The following ADRA1A variants were observed in gnomAD, a reference collection of about 807,000 sequenced individuals.
ADRA1A encodes the protein adrenoceptor alpha 1A, also known as alpha-1A adrenergic receptor.
In ADRA1A, 31 loss-of-function variants were observed where a neutral mutation model predicts 29.6. The observed-to-expected ratio is 1.05, with a 90% CI of 0.79 to 1.41. The LOEUF is 1.41. Ranked by LOEUF, ADRA1A falls within the 40% of genes most tolerant of loss-of-function variation. ADRA1A has a pLI of 0.00. For synonymous variants in ADRA1A, 311 were observed against 254.3 expected (o/e 1.22, Z -2.12); for missense variants, 619 against 601.1 (o/e 1.03, Z -0.31).
rs1283725191 is a variant in ADRA1A, at chr8:26,806,596, T to C, written c.884-35930A>G. Among the ~76,000 whole-genome samples the C allele has an allele frequency of 6.6e-6, 1 of 152,184 alleles. No individual in the cohort carries two copies. Among genetic ancestry groups the C allele is most frequent in the Non-Finnish European group, 1.5e-5 (1 of 68,020 alleles). On this transcript the variant is annotated intron_variant, in intron 2 of 2. Coordinates refer to ENST00000380573, the MANE Select transcript of ADRA1A (RefSeq NM_000680.4). The surrounding 1 kb of genome is among the most constrained non-coding windows in gnomAD (Gnocchi z 4.6). ...ACCATTAATTAGTGGGAAGATGTCA[T>C]GCCTCACACTGGGGAGTAAATGAAA...
chr8:26,859,127 T>G, intron 2 of ADRA1A: 1 of 1,289,996 alleles, frequency 7.8e-7, no homozygotes, highest in Non-Finnish European at 1.0e-6. Context: ...GTTTTTAATC[T>G]CTTTCCTCTC....
intron 2 of ADRA1A, among the ~76,000 whole-genome samples, chr8:26,776,671 A>G (rs1456463392): frequency 1.3e-5 from 2 of 152,236 alleles, no homozygotes; most frequent in African/African-American, 2.4e-5. Context: ...CTGAATGACA[A>G]CAGGTTTTGC....
At chr8:26,757,977 T>C (rs1242100185) in intron 2 of ADRA1A, among the ~76,000 whole-genome samples, 2 of 152,194 alleles carry the variant, frequency 1.3e-5, no homozygotes. Flanking sequence ...GTAGCCAATG[T>C]GAGGAAGATG....
At chr8:26,863,940 CA>C in intron 2 of ADRA1A, 146 bp downstream of exon 2, 1 of 813,042 alleles carries the variant, frequency 1.2e-6, no homozygotes, top group East Asian at 2.7e-5. Context: ...CACTTTTCTA[CA>C]AGGGAGCCTT....
intron 2 of ADRA1A, among the ~76,000 whole-genome samples, chr8:26,852,067 T>C (rs1262490769): frequency 6.6e-6 from 1 of 152,082 alleles, no homozygotes. Flanking sequence ...AAATTAGAAA[T>C]TACATTTGAG....
At chr8:26,853,495 A>T (rs1361491201) in intron 2 of ADRA1A, among the ~76,000 whole-genome samples, 1 of 152,246 alleles carries the variant, frequency 6.6e-6, no homozygotes, top group Non-Finnish European at 1.5e-5. Flanking sequence ...AACCACAGCC[A>T]TTAAAGTAAT....
At chr8:26,857,190 G>A (rs1446930224) in intron 2 of ADRA1A, among the ~76,000 whole-genome samples, 1 of 152,098 alleles carries the variant, frequency 6.6e-6, no homozygotes, top group Non-Finnish European at 1.5e-5. Flanking sequence ...CTATAAGAAG[G>A]TGGTTTAGAA....
intron 2 of ADRA1A, among the ~76,000 whole-genome samples, chr8:26,783,494 C>G (rs1324899539): frequency 6.6e-6 from 1 of 152,214 alleles, no homozygotes; most frequent in East Asian, 1.9e-4. Flanking sequence ...AGTGTGTCCA[C>G]TAAAAAACTC....
rs1805955045 is a variant in ADRA1A at position 26,769,127 on chromosome 8, T to A, written c.*1022A>T. On this transcript the variant is annotated 3_prime_UTR_variant, in exon 3 of 3. Transcript: ENST00000380573. ...ATGCAATAGTGAAGCAGATAAGAAG[T>A]AATGGGAGACAATCTTTTGCCTTTC... The A allele has an allele frequency of 1.0e-6, 1 of 985,298 alleles. No individual in the cohort carries two copies. Among genetic ancestry groups the A allele is most frequent in the South Asian group, 4.7e-5 (1 of 21,286 alleles). 61.0% of individuals were successfully genotyped at this position (985,298 alleles called of 1,614,324 possible).
chr8:26,751,577 G>T (rs1737225953), downstream of ADRA1A, among the ~76,000 whole-genome samples: 1 of 152,198 alleles, frequency 6.6e-6, no homozygotes, highest in Non-Finnish European at 1.5e-5. Flanking sequence ...AGTGTAAGGA[G>T]TAAGTGCTAT....
Position 26,769,474 on chromosome 8 carries a change from A to G in ADRA1A, c.*675T>C, listed in dbSNP as rs970743415. ...CTTTCAACCCTCTCCTGACCCAAGG[A>G]TAGAGAACACTACATTCCAAGACAT... On this transcript the variant is annotated 3_prime_UTR_variant, in exon 3 of 3. Transcript: ENST00000380573. The G allele has an allele frequency of 4.1e-6, 4 of 985,332 alleles. No homozygotes were observed. The highest frequency in any genetic ancestry group is 4.8e-6 in the Non-Finnish European group (4 of 829,950). 61.0% of individuals were successfully genotyped at this position (985,332 alleles called of 1,614,324 possible). A position where few individuals can be genotyped will look rare whatever the true frequency, so the allele number is the denominator to read the frequency against.
chr8:26,758,530 T>A (rs1264774638), intron 2 of ADRA1A, among the ~76,000 whole-genome samples: 2 of 152,196 alleles, frequency 1.3e-5, no homozygotes, highest in African/African-American at 2.4e-5. Context: ...TGTACACAAT[T>A]GTATCTGCTA....
intron 2 of ADRA1A, among the ~76,000 whole-genome samples, chr8:26,800,924 T>A (rs1034154844): frequency 9.8e-5 from 15 of 152,290 alleles, no homozygotes; most frequent in African/African-American, 3.4e-4. Context: ...AAAAGATTAT[T>A]CATCATGACC....
intron 2 of ADRA1A, among the ~76,000 whole-genome samples, chr8:26,794,947 T>A (rs4732654): frequency 6.6e-6 from 1 of 151,960 alleles, no homozygotes; most frequent in Non-Finnish European, 1.5e-5. Flanking sequence ...CTTATTAAGA[T>A]GTGTATCCTG....
At chr8:26,839,157 ATTTTT>A (rs11352512) in intron 2 of ADRA1A, among the ~76,000 whole-genome samples, 1 of 119,932 alleles carries the variant, frequency 8.3e-6, no homozygotes. Flanking sequence ...TCTGTGAAGA[ATTTTT>A]TTTTTTTTTT....
chr8:26,749,932 G>A (rs1052629250), intron 2 of ADRA1A, among the ~76,000 whole-genome samples: 64 of 152,262 alleles, frequency 4.2e-4, no homozygotes, highest in Non-Finnish European at 2.6e-4. Context: ...TTTTCCATTA[G>A]TGTTTGGTTC....
chr8:26,780,829 T>C (rs59710047), intron 2 of ADRA1A, among the ~76,000 whole-genome samples: 80,034 of 152,080 alleles, frequency 0.53, 22,274 homozygotes, highest in East Asian at 0.9. Context: ...ACTGCACATG[T>C]CAGGGATCTG....
intron 2 of ADRA1A, among the ~76,000 whole-genome samples, chr8:26,809,763 C>G (rs1331577327): frequency 2.0e-5 from 3 of 152,180 alleles, no homozygotes; most frequent in Non-Finnish European, 4.4e-5. Flanking sequence ...AAAGCTGTGG[C>G]CTTATTGAAT....
downstream of ADRA1A, among the ~76,000 whole-genome samples, chr8:26,761,779 CGTT>C (rs1181851771): frequency 1.3e-5 from 2 of 152,198 alleles, no homozygotes; most frequent in African/African-American, 4.8e-5. Context: ...GGAGCATACT[CGTT>C]GGGAGAAGAT....
Sources: allele counts gnomAD v4.1 joint callset (sites outside exome capture counted in the v4.1 genomes callset), GRCh38; gene constraint gnomAD v4.1.1; non-coding constraint Gnocchi (gnomAD v3.1); transcripts MANE v1.5; gene names NCBI Gene and HGNC (gene_info 2026-07-23, HGNC 2026-07-21).